Variants in PCDHGB3 observed in about 807,000 individuals in gnomAD.
The protein encoded by PCDHGB3 is protocadherin gamma subfamily B, 3.
PCDHGB3 carries 40 observed loss-of-function variants against 59.2 expected under a neutral mutation model. That is an observed-to-expected ratio of 0.68 (90% CI 0.52 to 0.88). The LOEUF (loss-of-function observed/expected upper bound fraction) is 0.88. PCDHGB3 is among the 40% of genes least tolerant of loss of function. PCDHGB3 has a pLI of 0.00. For missense variants in PCDHGB3, 1,309 were observed against 1,187.9 expected (o/e 1.10, Z -1.50); for synonymous variants, 581 against 503.6 (o/e 1.15, Z -2.06).
At chr5:141,509,573 C>G (rs372901649) in intron 3 of PCDHGB3, among the ~76,000 whole-genome samples, 4 of 152,164 alleles carry the variant, frequency 2.6e-5, no homozygotes, top group Admixed American at 2.6e-4. Context: ...CTTCACAGTG[C>G]GTACAAATCA....
At chr5:141,478,924 T>C (rs1213046748) in intron 1 of PCDHGB3, 10 of 704,004 alleles carry the variant, frequency 1.4e-5, no homozygotes. Context: ...CTCTAACCAG[T>C]GGCAGCTTCT....
rs147057088 is a variant in PCDHGB3 at position 141,432,065 on chromosome 5, A to C, written c.2415+59256A>C. 6.2e-7 allele frequency: 1 copy of C among 1,613,930 alleles called. No individual in the cohort carries two copies. Among genetic ancestry groups the C allele is most frequent in the Non-Finnish European group, 8.5e-7 (1 of 1,180,014 alleles). On this transcript the variant is annotated intron_variant, in intron 1 of 3. Coordinates refer to ENST00000576222, the MANE Select transcript of PCDHGB3 (RefSeq NM_018924.5). This position sits in a 1 kb window ranked among gnomAD's most constrained non-coding sequence, Gnocchi z 6.0. ...GGGAACCCCGCCCCTATCCACGGAA[A>C]CTCATATCTCGCTGAACGTGGCAGA...
At position 141,372,748 on chromosome 5, in the gene PCDHGB3, C is replaced by G. The variant is rs771861396; in HGVS notation, c.2354C>G (p.Ala785Gly). The change falls in exon 1 of 4, where the codon GCC becomes GGC. Residue 785 changes from alanine to glycine, a missense_variant. Ala to Gly is a moderately conservative substitution (Grantham distance 60). Coordinates refer to ENST00000576222, the MANE Select transcript of PCDHGB3 (RefSeq NM_018924.5). ...CCACAAGATCTTCTATGTGATGAAG[C>G]CTCTTGGTTTGAAAGTAATGACAAT... is the stretch of plus-strand genomic sequence containing the variant. ...AAPQDLLCDE[A>G]SWFESNDNPE... 13 of 1,613,014 alleles carry G rather than the reference C, an allele frequency of 8.1e-6. No homozygotes were observed. Among genetic ancestry groups the G allele is most frequent in the East Asian group, 2.2e-5 (1 of 44,878 alleles).
chr5:141,477,874 T>G lies in PCDHGB3; in HGVS notation c.2416-16933T>G. On this transcript the variant is annotated intron_variant, in intron 1 of 3. Coordinates refer to ENST00000576222, the MANE Select transcript of PCDHGB3 (RefSeq NM_018924.5). This position sits in a 1 kb window ranked among gnomAD's most constrained non-coding sequence, Gnocchi z 4.9. ...AGATGCTGCCTCGAGGTACCTCAGC[T>G]GGCCACCTAGTGTCACGGGTGGTAG... 1 of 1,614,176 alleles carries G rather than the reference T, an allele frequency of 6.2e-7. No individual in the cohort carries two copies. The highest frequency in any genetic ancestry group is 8.5e-7 in the Non-Finnish European group (1 of 1,180,028).
chr5:141,438,700 AC>A (rs2098052453), intron 1 of PCDHGB3, among the ~76,000 whole-genome samples: 1 of 144,406 alleles, frequency 6.9e-6, no homozygotes, highest in Non-Finnish European at 1.5e-5. Context: ...TTGCTCTGTC[AC>A]CCAGGCTGGA....
chr5:141,446,634 G>A (rs927873152), intron 1 of PCDHGB3, among the ~76,000 whole-genome samples: 6 of 151,928 alleles, frequency 3.9e-5, no homozygotes, highest in Admixed American at 2.6e-4. Context: ...GCACCACCAC[G>A]CCTGGCTAAT....
chr5:141,404,800 C>G (rs369141362), intron 1 of PCDHGB3: 3 of 1,613,970 alleles, frequency 1.9e-6, no homozygotes, highest in Middle Eastern at 1.6e-4. Context: ...AGCCAGGGCT[C>G]TTCTCGGTGG....
chr5:141,374,230 C>T lies in PCDHGB3; in HGVS notation c.2415+1421C>T. On this transcript the variant is annotated intron_variant, in intron 1 of 3. Coordinates refer to ENST00000576222, the MANE Select transcript of PCDHGB3 (RefSeq NM_018924.5). ...AAGGCTCCTTCGTAGGCAACATCGTCAAGGATCTGGGACTGGAGCCCCAGG... is the reference window on the plus strand; with the variant it reads ...AAGGCTCCTTCGTAGGCAACATCGTTAAGGATCTGGGACTGGAGCCCCAGG... 2 of 1,613,996 alleles carry T rather than the reference C, an allele frequency of 1.2e-6. 1 individual carries two copies. Among genetic ancestry groups the T allele is most frequent in the East Asian group, 4.5e-5 (2 of 44,882 alleles).
chr5:141,379,388 A>G (rs1218956688), intron 1 of PCDHGB3: 1 of 152,228 alleles, frequency 6.6e-6, no homozygotes, highest in Non-Finnish European at 1.5e-5. Flanking sequence ...AACAATTTTA[A>G]ACAACTTGAA....
chr5:141,384,018 C>G, intron 1 of PCDHGB3: 1 of 1,613,740 alleles, frequency 6.2e-7, no homozygotes, highest in Non-Finnish European at 8.5e-7. Context: ...ACCTACAAGA[C>G]AGAGATTCTG....
rs1338955892 is a variant in PCDHGB3, at chr5:141,502,521, T to C, written c.2475-2872T>C. 5.9e-5 allele frequency among the ~76,000 whole-genome samples: 9 copies of C among 152,338 alleles called. No homozygotes were observed. In the East Asian group the frequency reaches 1.7e-3, roughly 29 times the overall value. The stretch of plus-strand genomic sequence containing the variant: ...CGTCGGCCTGTCCCACTATCAGTGA[T>C]GCCGAGTTTGTTCGTGTGGTAAAAA... On this transcript the variant is annotated intron_variant, in intron 2 of 3. Transcript: ENST00000576222.
intron 1 of PCDHGB3, among the ~76,000 whole-genome samples, chr5:141,407,131 T>C (rs1164616354): frequency 6.6e-6 from 1 of 152,226 alleles, no homozygotes; most frequent in African/African-American, 2.4e-5. Context: ...TGCTTTATTT[T>C]TAAGAAAAAA....
At position 141,489,963 on chromosome 5, in the gene PCDHGB3, C is replaced by A. The variant is rs779260164; in HGVS notation, c.2416-4844C>A. On this transcript the variant is annotated intron_variant, in intron 1 of 3. Coordinates refer to ENST00000576222, the MANE Select transcript of PCDHGB3 (RefSeq NM_018924.5). This position sits in a 1 kb window ranked among gnomAD's most constrained non-coding sequence, Gnocchi z 4.5. Reference sequence around the variant, plus strand: ...TGGACATCAATGATAATGCTCCAACCTTCCAATCCTCAGTTCTACGTGTGG... The same window carrying A: ...TGGACATCAATGATAATGCTCCAACATTCCAATCCTCAGTTCTACGTGTGG... The A allele has an allele frequency of 8.1e-6, 13 of 1,614,184 alleles. No homozygotes were observed. In the East Asian group the frequency reaches 2.2e-4, roughly 28 times the overall value.
chr5:141,397,284 C>G (rs185201660), intron 1 of PCDHGB3, among the ~76,000 whole-genome samples: 47 of 152,188 alleles, frequency 3.1e-4, no homozygotes, highest in African/African-American at 1.1e-3. Context: ...GGGCAGTATA[C>G]TTGAATGAAT....
At chr5:141,437,589 T>C (rs929281293) in intron 1 of PCDHGB3, among the ~76,000 whole-genome samples, 10 of 152,306 alleles carry the variant, frequency 6.6e-5, no homozygotes, top group African/African-American at 2.2e-4. Flanking sequence ...ATGAATTGGA[T>C]AGTTCTGGTG....
At chr5:141,459,984 A>G (rs906041823) in intron 1 of PCDHGB3, among the ~76,000 whole-genome samples, 4 of 152,216 alleles carry the variant, frequency 2.6e-5, no homozygotes, top group Non-Finnish European at 5.9e-5. Flanking sequence ...AGGCTGAGAC[A>G]GGAGAATCGC....
chr5:141,381,194 A>G (rs1490314402), intron 1 of PCDHGB3, among the ~76,000 whole-genome samples: 2 of 152,234 alleles, frequency 1.3e-5, no homozygotes, highest in African/African-American at 4.8e-5. Context: ...AAGCTTTCTT[A>G]GTGTTAGTTC....
chr5:141,494,773 G>C, intron 1 of PCDHGB3, 34 bp from the exon 2 acceptor site: 1 of 1,613,966 alleles, frequency 6.2e-7, no homozygotes, highest in Non-Finnish European at 8.5e-7. Context: ...CTTCTCACGG[G>C]TACTCAGCCC....
chr5:141,476,453 G>C lies in PCDHGB3; in HGVS notation c.2416-18354G>C. On this transcript the variant is annotated intron_variant, in intron 1 of 3. Coordinates refer to ENST00000576222, the MANE Select transcript of PCDHGB3 (RefSeq NM_018924.5). This position sits in a 1 kb window ranked among gnomAD's most constrained non-coding sequence, Gnocchi z 7.6. The stretch of plus-strand genomic sequence containing the variant: ...CACTGTAACTCTGGAGTTGGTAGTG[G>C]AGAACCCGCTGGAGCTGTTCAGCGT... 2 of 1,614,138 alleles carry C rather than the reference G, an allele frequency of 1.2e-6. No homozygotes were observed. Among genetic ancestry groups the C allele is most frequent in the Non-Finnish European group, 1.7e-6 (2 of 1,180,022 alleles).
Sources: allele counts gnomAD v4.1 joint callset (sites outside exome capture counted in the v4.1 genomes callset), GRCh38; gene constraint gnomAD v4.1.1; non-coding constraint Gnocchi (gnomAD v3.1); transcripts MANE v1.5; gene names NCBI Gene and HGNC (gene_info 2026-07-23, HGNC 2026-07-21).